The following PNPT1 variants were observed in gnomAD, a reference collection of about 807,000 sequenced individuals.
PNPT1 encodes polyribonucleotide nucleotidyltransferase 1.
Under a neutral mutation model 119.5 loss-of-function variants are expected in PNPT1, and 53 were observed. The ratio of observed to expected loss-of-function variants is 0.44; its 90% CI spans 0.36 to 0.56. PNPT1 has a LOEUF of 0.56. Among genes scored for constraint, PNPT1 ranks in the 20% least tolerant of loss-of-function variants. The pLI is 0.00. For synonymous variants in PNPT1, 357 were observed against 322.1 expected (o/e 1.11, Z -1.16); for missense variants, 948 against 938.5 (o/e 1.01, Z -0.13).
intron 18 of PNPT1, among the ~76,000 whole-genome samples, chr2:55,653,505 G>T (rs992784514): frequency 6.6e-6 from 1 of 152,158 alleles, no homozygotes; most frequent in Non-Finnish European, 1.5e-5. Flanking sequence ...ATGAGATTTG[G>T]AAGACTGAGA....
Position 55,651,936 on chromosome 2 carries a change from T to A in PNPT1, c.1495+2964A>T, listed in dbSNP as rs113715677. ...CCTTCAACATATGGTTCTACTTTAT[T>A]ACCTTAACACCTCTTTCGAGTAGAT... On this transcript the variant is annotated intron_variant, in intron 18 of 27. Transcript: ENST00000447944. Among the ~76,000 whole-genome samples the A allele has an allele frequency of 5.5e-3, 830 of 150,890 alleles. 3 individuals carry two copies. The highest frequency in any genetic ancestry group is 0.031 in the Middle Eastern group (9 of 288).
chr2:55,676,633 AGGTG>A (rs1697081610), intron 8 of PNPT1, among the ~76,000 whole-genome samples: 1 of 152,190 alleles, frequency 6.6e-6, no homozygotes, highest in Non-Finnish European at 1.5e-5. Flanking sequence ...AGGCTGAGGC[AGGTG>A]GATCACCTGA....
intron 18 of PNPT1, among the ~76,000 whole-genome samples, chr2:55,651,445 C>A (rs1696197622): frequency 2.0e-5 from 3 of 151,974 alleles, no homozygotes; most frequent in African/African-American, 7.3e-5. Context: ...AATTCTTCTG[C>A]CTTGGGATCC....
At chr2:55,682,149 CA>C (rs1697267713) in intron 5 of PNPT1, among the ~76,000 whole-genome samples, 1 of 149,610 alleles carries the variant, frequency 6.7e-6, no homozygotes, top group African/African-American at 2.5e-5. Flanking sequence ...TCTCAAAAAA[CA>C]AACAAACAAA....
At chr2:55,637,447 A>G (rs1319452598) in intron 27 of PNPT1, 105 bp downstream of exon 27, 1 of 1,057,532 alleles carries the variant, frequency 9.5e-7, no homozygotes, top group African/African-American at 1.6e-5. Context: ...GCATACAAAT[A>G]AAAAACTTCA....
At chr2:55,670,588 A>G (rs886704406) in intron 11 of PNPT1, among the ~76,000 whole-genome samples, 1 of 152,248 alleles carries the variant, frequency 6.6e-6, no homozygotes, top group African/African-American at 2.4e-5. Context: ...TAAGAATAGC[A>G]TCAGTTAACA....
chr2:55,667,223 T>A, intron 12 of PNPT1, 130 bp from the exon 13 acceptor site: 1 of 648,902 alleles, frequency 1.5e-6, no homozygotes. Flanking sequence ...TAAAAAATAA[T>A]AGATACTTGA....
chr2:55,649,973 C>G (rs530809017), intron 18 of PNPT1, among the ~76,000 whole-genome samples: 2 of 152,182 alleles, frequency 1.3e-5, no homozygotes, highest in Non-Finnish European at 2.9e-5. Flanking sequence ...GTCCAAACTC[C>G]TTAGCGTAAC....
chr2:55,661,088 ATTCT>A (rs1696555472), intron 14 of PNPT1, among the ~76,000 whole-genome samples: 1 of 131,356 alleles, frequency 7.6e-6, no homozygotes, highest in Non-Finnish European at 1.6e-5. Context: ...TGCAATAGAG[ATTCT>A]TTTTTTTTTT....
chr2:55,668,092 G>C, intron 11 of PNPT1, 134 bp from the exon 12 acceptor site: 2 of 709,600 alleles, frequency 2.8e-6, no homozygotes, highest in Non-Finnish European at 4.6e-6. Flanking sequence ...TTAGTCCTCA[G>C]GCAAACAAAG....
chr2:55,664,851 G>A (rs562805860), intron 13 of PNPT1, among the ~76,000 whole-genome samples: 7 of 152,140 alleles, frequency 4.6e-5, no homozygotes, highest in African/African-American at 1.7e-4. Context: ...TCTATTCATT[G>A]TAGACTATAA....
intron 1 of PNPT1, among the ~76,000 whole-genome samples, chr2:55,688,792 G>A (rs1697502672): frequency 6.6e-6 from 1 of 152,092 alleles, no homozygotes; most frequent in Non-Finnish European, 1.5e-5. Flanking sequence ...TTCTCCCAAT[G>A]CTTTTAGGAC....
intron 1 of PNPT1, among the ~76,000 whole-genome samples, chr2:55,688,316 A>T (rs1232772453): frequency 3.3e-5 from 5 of 152,112 alleles, no homozygotes; most frequent in Non-Finnish European, 5.9e-5. Context: ...CTGGGATTAC[A>T]GGTATGAGCC....
At chr2:55,675,827 T>G (rs1037431530) in intron 8 of PNPT1, among the ~76,000 whole-genome samples, 7 of 152,166 alleles carry the variant, frequency 4.6e-5, no homozygotes, top group African/African-American at 1.7e-4. Context: ...AAATTAAAAT[T>G]TTGGTTCCTC....
intron 8 of PNPT1, among the ~76,000 whole-genome samples, chr2:55,677,553 T>G (rs1697112657): frequency 7.8e-6 from 1 of 128,314 alleles, no homozygotes; most frequent in Non-Finnish European, 1.5e-5. Flanking sequence ...GAGATCGCAC[T>G]GCTGCACTCC....
intron 5 of PNPT1, among the ~76,000 whole-genome samples, chr2:55,682,252 G>C (rs1431242413): frequency 6.6e-6 from 1 of 152,058 alleles, no homozygotes; most frequent in Admixed American, 6.6e-5. Context: ...GAGGTCACGA[G>C]TTCAAGACCA....
At chr2:55,649,197 G>A (rs1696095054) in intron 18 of PNPT1, among the ~76,000 whole-genome samples, 1 of 152,058 alleles carries the variant, frequency 6.6e-6, no homozygotes, top group African/African-American at 2.4e-5. Flanking sequence ...CCAACGCTTT[G>A]GCAGGCCAAG....
chr2:55,673,225 C>G (rs1047809047), intron 8 of PNPT1, 146 bp from the exon 9 acceptor site: 1 of 588,440 alleles, frequency 1.7e-6, no homozygotes, highest in Non-Finnish European at 2.7e-6. Context: ...TCCTCAGAAT[C>G]AACATACTTC....
At chr2:55,662,169 A>G (rs1249942549) in intron 13 of PNPT1, 143 bp from the exon 14 acceptor site, 7 of 602,344 alleles carry the variant, frequency 1.2e-5, no homozygotes, top group Non-Finnish European at 1.9e-5. Context: ...TAACTGCATT[A>G]AACACTTATT....
Sources: allele counts gnomAD v4.1 joint callset (sites outside exome capture counted in the v4.1 genomes callset), GRCh38; gene constraint gnomAD v4.1.1; transcripts MANE v1.5; gene names NCBI Gene and HGNC (gene_info 2026-07-23, HGNC 2026-07-21).